SLC35A5: variants seen among roughly 807,000 people sequenced by gnomAD.
SLC35A5 encodes the protein UDP-sugar transporter protein SLC35A5.
In SLC35A5, 28 loss-of-function variants were observed where a neutral mutation model predicts 36.3. That is an observed-to-expected ratio of 0.77 (90% CI 0.57 to 1.06). The LOEUF (loss-of-function observed/expected upper bound fraction) is 1.06, where lower values mean the gene tolerates loss of function less well. Among genes scored for constraint, SLC35A5 ranks in the 50% least tolerant of loss-of-function variants. The probability of loss-of-function intolerance (pLI) is 0.00; values close to 1 mark genes in which losing one functional copy is unlikely to be tolerated. For synonymous variants in SLC35A5, 180 were observed against 173.7 expected, an observed-to-expected ratio of 1.04 and a Z score of -0.29; for missense variants, 521 against 499.3, an observed-to-expected ratio of 1.04 and a Z score of -0.41.
chr3:112,576,144 G>T (rs1335131412), intron 5 of SLC35A5, among the ~76,000 whole-genome samples: 1 of 150,458 alleles, frequency 6.6e-6, no homozygotes, highest in African/African-American at 2.4e-5. Flanking sequence ...GGCAGTGGGG[G>T]TGGGTACGGA....
Position 112,581,226 on chromosome 3 carries a change from T to C in SLC35A5, c.1109T>C (p.Ile370Thr). The C allele has an allele frequency of 1.2e-6, 2 of 1,613,846 alleles. No homozygotes were observed. The highest frequency in any genetic ancestry group is 1.7e-6 in the Non-Finnish European group (2 of 1,179,852). ...GAAGCCCCATCAGTCCTTCTCTCTA[T>C]ATTTATTTATAATGCCAGCAAGCCT... ...FLEAPSVLLS[I>T]FIYNASKPQV... Residue 370 changes from isoleucine (I) to threonine (T), a missense_variant, in exon 6 of 7, where the codon ATA becomes ACA. Transcript: ENST00000492406.
In SLC35A5 at chr3:112,580,675, C is replaced by G; in HGVS notation, c.558C>G (p.Phe186Leu). 6.2e-7 allele frequency: 1 copy of G among 1,614,156 alleles called. No homozygotes were observed. The highest frequency in any genetic ancestry group is 8.5e-7 in the Non-Finnish European group (1 of 1,179,978). ...AGRGFHHDAF[F>L]SPSNSCLLFR... is the part of the protein sequence containing the mutation. ...GTGGATTTCATCACGATGCCTTTTT[C>G]AGCCCTTCCAATTCCTGCCTTCTTT... is the stretch of plus-strand genomic sequence containing the variant. Residue 186 changes from phenylalanine (F) to leucine (L), a missense_variant, in exon 6 of 7, where the codon TTC becomes TTG. Physicochemically the swap from Phe to Leu is conservative, Grantham distance 22. Transcript: ENST00000492406.
chr3:112,579,429 T>C (rs576827529), intron 5 of SLC35A5, among the ~76,000 whole-genome samples: 4 of 152,090 alleles, frequency 2.6e-5, no homozygotes, highest in Non-Finnish European at 5.9e-5. Flanking sequence ...TCCCCTTCTT[T>C]GCCTAACTAA....
In SLC35A5 at chr3:112,563,370, GT is replaced by G; in HGVS notation, c.-19-10del. 6.9e-7 allele frequency: 1 copy of G among 1,444,806 alleles called. No homozygotes were observed. The highest frequency in any genetic ancestry group is 9.3e-7 in the Non-Finnish European group (1 of 1,078,658). The allele number at this position is 1,444,806 out of a possible 1,614,324, so 89.5% of individuals were successfully genotyped here. Reference sequence around the variant, plus strand: ...TGCCAACAAGGTCGTTCATGAAAGTGTTTTTCTCTTTAAGGTAATTAAAAAA... The same window carrying G: ...TGCCAACAAGGTCGTTCATGAAAGTGTTTTCTCTTTAAGGTAATTAAAAAA... On this transcript the variant is annotated splice_polypyrimidine_tract_variant and intron_variant, in intron 1 of 6. Transcript: ENST00000492406.
At chr3:112,580,474 C>T (rs1285758544) in intron 5 of SLC35A5, 72 bp from the exon 6 acceptor site, 8 of 1,462,774 alleles carry the variant, frequency 5.5e-6, no homozygotes, top group Non-Finnish European at 7.3e-6. Context: ...ACTCAAGTGT[C>T]TGAGTTTTCA....
intron 6 of SLC35A5, among the ~76,000 whole-genome samples, 199 bp from the exon 7 acceptor site, chr3:112,582,472 A>T (rs774925953): frequency 6.6e-6 from 1 of 152,140 alleles, no homozygotes; most frequent in Non-Finnish European, 1.5e-5. Flanking sequence ...TGAAATTTTG[A>T]GTACTGAGTA....
intron 2 of SLC35A5, among the ~76,000 whole-genome samples, chr3:112,567,222 T>C (rs76280877): frequency 0.067 from 10,194 of 151,386 alleles, 424 homozygotes; most frequent in Admixed American, 0.12. Flanking sequence ...CAAGACTCTG[T>C]CTCAAAAAAC....
intron 2 of SLC35A5, among the ~76,000 whole-genome samples, chr3:112,564,549 G>A (rs1267904177): frequency 1.3e-5 from 2 of 152,144 alleles, no homozygotes; most frequent in Non-Finnish European, 2.9e-5. Flanking sequence ...ACGAGCAGGA[G>A]ACAGATGCCT....
rs957295708 is a variant in SLC35A5 at position 112,562,397 on chromosome 3, C to T, written c.-20+124C>T. On this transcript the variant is annotated intron_variant, in intron 1 of 6. Coordinates refer to ENST00000492406, the MANE Select transcript of SLC35A5 (RefSeq NM_017945.5). ...CTGACTGTGAAGGGAAATCTGGCCC[C>T]CTCCTGTCGGGGAGGCGTCCTGTAG... 2.0e-5 allele frequency: 3 copies of T among 152,356 alleles called. No homozygotes were observed. The East Asian group carries it at 5.8e-4, about 29-fold the overall frequency. The allele number at this position is 152,356 out of a possible 1,614,324, so 9.4% of individuals were successfully genotyped here.
In SLC35A5 at chr3:112,583,114, G is replaced by A. The variant is rs375766245; in HGVS notation, c.*378G>A. On this transcript the variant is annotated 3_prime_UTR_variant, in exon 7 of 7. Coordinates refer to ENST00000492406, the MANE Select transcript of SLC35A5 (RefSeq NM_017945.5). ...AAATATTCACAATCATGTAGTTCTA[G>A]TTTACATGCCAAAGTCTTCCCTTTT... 3.7e-4 allele frequency: 148 copies of A among 399,204 alleles called. 1 individual carries two copies. In the South Asian group the frequency reaches 9.5e-3, roughly 26 times the overall value. 24.7% of individuals were successfully genotyped at this position (399,204 alleles called of 1,614,324 possible). A position where few individuals can be genotyped will look rare whatever the true frequency, so the allele number is the denominator to read the frequency against.
chr3:112,567,477 A>C (rs1934249671), intron 2 of SLC35A5, among the ~76,000 whole-genome samples: 1 of 152,030 alleles, frequency 6.6e-6, no homozygotes, highest in African/African-American at 2.4e-5. Context: ...TATTTTTAGT[A>C]GATACGTGGT....
chr3:112,565,971 G>A (rs918839567), intron 2 of SLC35A5, among the ~76,000 whole-genome samples: 2 of 152,094 alleles, frequency 1.3e-5, no homozygotes, highest in African/African-American at 2.4e-5. Flanking sequence ...GACTGTTATG[G>A]TAGCTGGATG....
In SLC35A5 at chr3:112,584,720, CAA is replaced by C. The variant is rs1935079819; in HGVS notation, c.*1988_*1989del. 1 of 152,078 alleles carries C rather than the reference CAA, an allele frequency of 6.6e-6. No individual in the cohort carries two copies. The highest frequency in any genetic ancestry group is 2.4e-5 in the African/African-American group (1 of 41,408). The allele number at this position is 152,078 out of a possible 1,614,324, so 9.4% of individuals were successfully genotyped here. A position where few individuals can be genotyped will look rare whatever the true frequency, so the allele number is the denominator to read the frequency against. ...CCCAAAGGAAAATAAATCGTTTTAT[CAA>C]AAAGACACTTGCAGTGGTATGTTTA... On this transcript the variant is annotated 3_prime_UTR_variant, in exon 7 of 7. Coordinates refer to ENST00000492406, the MANE Select transcript of SLC35A5 (RefSeq NM_017945.5).
rs962834057 is a variant in SLC35A5 at position 112,580,723 on chromosome 3, A to C, written c.606A>C (p.Lys202Asn). 1.9e-6 allele frequency: 3 copies of C among 1,614,152 alleles called. No homozygotes were observed. Among genetic ancestry groups the C allele is most frequent in the Non-Finnish European group, 2.5e-6 (3 of 1,179,992 alleles). Residue 202 changes from lysine (K) to asparagine (N), a missense_variant, in exon 6 of 7, where the codon AAA becomes AAC. Lys to Asn is a moderately conservative substitution (Grantham distance 94, BLOSUM62 0). Coordinates refer to ENST00000492406, the MANE Select transcript of SLC35A5 (RefSeq NM_017945.5). ...TTTTCAGAAGTGAGTGTCCCAGAAA[A>C]GACAATTGTACAGCAAAGGAATGGA... ...CLLFRSECPR[K>N]DNCTAKEWTF...
upstream of SLC35A5, chr3:112,561,964 G>C (rs951092600): frequency 4.9e-6 from 1 of 202,438 alleles, no homozygotes; most frequent in South Asian, 6.9e-5. Context: ...CGTGACACTA[G>C]ACTCTCCCGG....
At chr3:112,574,284 G>A (rs1441006040) in intron 5 of SLC35A5, among the ~76,000 whole-genome samples, 1 of 152,196 alleles carries the variant, frequency 6.6e-6, no homozygotes, top group Admixed American at 6.5e-5. Context: ...TGCACTAATA[G>A]GGAAGCAAAT....
rs765208729 is a variant in SLC35A5, at chr3:112,580,663, C to T, written c.546C>T (p.His182=). The T allele has an allele frequency of 6.3e-5, 102 of 1,614,004 alleles. No homozygotes were observed. Among genetic ancestry groups the T allele is most frequent in the Non-Finnish European group, 8.1e-5 (95 of 1,179,964 alleles). Reference sequence around the variant, plus strand: ...ACTTGGCAGGACGTGGATTTCATCACGATGCCTTTTTCAGCCCTTCCAATT... The same window carrying T: ...ACTTGGCAGGACGTGGATTTCATCATGATGCCTTTTTCAGCCCTTCCAATT... ...QHNLAGRGFH[H]DAFFSPSNSC... The change falls in exon 6 of 7, where the codon CAC becomes CAT. Residue 182 remains histidine, a synonymous_variant. Coordinates refer to ENST00000492406, the MANE Select transcript of SLC35A5 (RefSeq NM_017945.5).
At position 112,580,951 on chromosome 3, in the gene SLC35A5, T is replaced by A; in HGVS notation, c.834T>A (p.Phe278Leu). The change falls in exon 6 of 7, where the codon TTT becomes TTA. Residue 278 changes from phenylalanine (F) to leucine (L), a missense_variant. By Grantham distance (22) the Phe-to-Leu change is conservative. Coordinates refer to ENST00000492406, the MANE Select transcript of SLC35A5 (RefSeq NM_017945.5). ...AACTCTATTTCTTTGGCATTCTGTT[T>A]AATGGGCTGACTCTGGGCCTTCAGA... ...NSKLYFFGIL[F>L]NGLTLGLQRS... The A allele has an allele frequency of 6.2e-7, 1 of 1,614,168 alleles. No homozygotes were observed. Among genetic ancestry groups the A allele is most frequent in the South Asian group, 1.1e-5 (1 of 91,088 alleles).
rs1348308079 is a variant in SLC35A5 at position 112,583,403 on chromosome 3, T to C, written c.*667T>C. 2 of 327,382 alleles carry C rather than the reference T, an allele frequency of 6.1e-6. No individual in the cohort carries two copies. The highest frequency in any genetic ancestry group is 4.2e-5 in the African/African-American group (2 of 47,318). 20.3% of individuals were successfully genotyped at this position (327,382 alleles called of 1,614,324 possible). A position where few individuals can be genotyped will look rare whatever the true frequency, so the allele number is the denominator to read the frequency against. The stretch of plus-strand genomic sequence containing the variant: ...AATAATCTTTTGATGTTTTAAACAT[T>C]GGTTCCCTAGTCACCATAGTTACCA... On this transcript the variant is annotated 3_prime_UTR_variant, in exon 7 of 7. Transcript: ENST00000492406.
Sources: gnomAD v4.1 joint callset for allele counts (sites outside exome capture counted in the v4.1 genomes callset) on GRCh38, gnomAD v4.1.1 for gene constraint, MANE v1.5 for transcripts, NCBI Gene and HGNC (gene_info 2026-07-23, HGNC 2026-07-21) for gene names.